Variants in ARHGAP44 observed in about 807,000 individuals in gnomAD.
ARHGAP44 encodes the protein Rho GTPase activating protein 44.
A neutral mutation model predicts 106.8 loss-of-function variants in ARHGAP44; 43 were observed. The observed-to-expected ratio is 0.40, with a 90% CI of 0.32 to 0.52. The LOEUF is 0.52. Among genes scored for constraint, ARHGAP44 ranks in the 20% least tolerant of loss-of-function variants. The pLI, the probability that ARHGAP44 is intolerant of heterozygous loss-of-function variation, is 0.48. For synonymous variants in ARHGAP44, 439 were observed against 410.3 expected, an observed-to-expected ratio of 1.07 and a Z score of -0.85; for missense variants, 866 against 1,050.5, an observed-to-expected ratio of 0.82 and a Z score of 2.43.
At chr17:12,918,368 AT>A in intron 5 of ARHGAP44, among the ~76,000 whole-genome samples, 1 of 152,164 alleles carries the variant, frequency 6.6e-6, no homozygotes, top group East Asian at 1.9e-4. Flanking sequence ...TTTTTTCCTT[AT>A]ATAAAAACCG....
At chr17:12,806,149 T>A (rs1223877263) in intron 1 of ARHGAP44, among the ~76,000 whole-genome samples, 1 of 152,296 alleles carries the variant, frequency 6.6e-6, no homozygotes, top group East Asian at 1.9e-4. Context: ...AGAAAGCAAT[T>A]ATATACGCCT....
chr17:12,857,478 G>A (rs1176434221), intron 1 of ARHGAP44, among the ~76,000 whole-genome samples: 1 of 152,080 alleles, frequency 6.6e-6, no homozygotes, highest in East Asian at 1.9e-4. Context: ...ATCTTATAAA[G>A]CCACCAGTCC....
intron 10 of ARHGAP44, among the ~76,000 whole-genome samples, chr17:12,944,724 T>C (rs2038805366): frequency 6.6e-6 from 1 of 151,480 alleles, no homozygotes; most frequent in African/African-American, 2.4e-5. Flanking sequence ...CCCTTGACCT[T>C]GTGATCCACC....
chr17:12,943,028 C>T (rs1354725282), intron 8 of ARHGAP44, among the ~76,000 whole-genome samples: 3 of 152,114 alleles, frequency 2.0e-5, no homozygotes, highest in South Asian at 2.1e-4. Context: ...ACATTTAAGT[C>T]GTACATATCT....
At chr17:12,906,798 G>A (rs1364532871) in intron 3 of ARHGAP44, among the ~76,000 whole-genome samples, 1 of 152,090 alleles carries the variant, frequency 6.6e-6, no homozygotes, top group Admixed American at 6.6e-5. Flanking sequence ...AAATTAGCCA[G>A]GCATGGGGGT....
intron 1 of ARHGAP44, among the ~76,000 whole-genome samples, chr17:12,826,805 A>G (rs887962942): frequency 6.6e-6 from 1 of 152,088 alleles, no homozygotes; most frequent in Non-Finnish European, 1.5e-5. Context: ...TTCTTACAAC[A>G]AGCCTTTATG....
intron 20 of ARHGAP44, chr17:12,986,253 A>G (rs897415127): frequency 6.6e-6 from 1 of 152,130 alleles, no homozygotes; most frequent in Admixed American, 6.6e-5. Context: ...CACCACGCCC[A>G]TCTTGGTGGG....
At chr17:12,983,662 G>A (rs62058144) in intron 19 of ARHGAP44, among the ~76,000 whole-genome samples, 84,130 of 151,028 alleles carry the variant, frequency 0.56, 23,441 homozygotes, top group East Asian at 0.73. Context: ...AAATTAGCCA[G>A]GCGTGGTGGT....
intron 1 of ARHGAP44, among the ~76,000 whole-genome samples, chr17:12,810,353 G>C (rs1193971094): frequency 6.6e-6 from 1 of 152,206 alleles, no homozygotes; most frequent in Non-Finnish European, 1.5e-5. Context: ...GCTGGTTTAG[G>C]ATAAGGAATA....
At chr17:12,853,735 C>T (rs1008344950) in intron 1 of ARHGAP44, among the ~76,000 whole-genome samples, 2 of 152,200 alleles carry the variant, frequency 1.3e-5, no homozygotes, top group Non-Finnish European at 2.9e-5. Flanking sequence ...GTTATCAGGG[C>T]GGCTTTTGTT....
chr17:12,837,726 G>A (rs1245534800), intron 1 of ARHGAP44, among the ~76,000 whole-genome samples: 1 of 152,088 alleles, frequency 6.6e-6, no homozygotes, highest in East Asian at 1.9e-4. Context: ...GAGAAGTGTG[G>A]GAGGTATCAT....
At chr17:12,891,817 G>T (rs2037055071) in intron 1 of ARHGAP44, among the ~76,000 whole-genome samples, 1 of 136,768 alleles carries the variant, frequency 7.3e-6, no homozygotes. Context: ...TTTTTTAGAT[G>T]GAGTCTCACT....
intron 6 of ARHGAP44, among the ~76,000 whole-genome samples, chr17:12,923,396 A>G (rs2038141455): frequency 6.6e-6 from 1 of 152,116 alleles, no homozygotes; most frequent in South Asian, 2.1e-4. Context: ...TAGTAATTTT[A>G]GTAGAGACGG....
At chr17:12,831,706 G>A (rs1247230241) in intron 1 of ARHGAP44, among the ~76,000 whole-genome samples, 1 of 152,092 alleles carries the variant, frequency 6.6e-6, no homozygotes, top group East Asian at 1.9e-4. Context: ...CTGAATTGTA[G>A]GAGATGTATA....
At chr17:12,848,210 AACTT>A (rs1453893607) in intron 1 of ARHGAP44, among the ~76,000 whole-genome samples, 2 of 152,196 alleles carry the variant, frequency 1.3e-5, no homozygotes, top group Non-Finnish European at 2.9e-5. Flanking sequence ...ACTCGTGTTC[AACTT>A]ACTTGATGAA....
chr17:12,957,070 C>T (rs1361539137), intron 15 of ARHGAP44, among the ~76,000 whole-genome samples: 2 of 148,672 alleles, frequency 1.3e-5, no homozygotes, highest in Non-Finnish European at 2.9e-5. Flanking sequence ...CCTGCCTCAC[C>T]CCCTCTACCC....
chr17:12,809,900 C>CCTG (rs1175766241), intron 1 of ARHGAP44, among the ~76,000 whole-genome samples: 4 of 152,094 alleles, frequency 2.6e-5, no homozygotes, highest in African/African-American at 7.2e-5. Flanking sequence ...GTGCCAGTCA[C>CCTG]TGAGAAGGAG....
chr17:12,985,497 C>T (rs1333289709), intron 20 of ARHGAP44: 1 of 152,234 alleles, frequency 6.6e-6, no homozygotes, highest in Non-Finnish European at 1.5e-5. Flanking sequence ...GACAAACCCA[C>T]AACGACTTAA....
At chr17:12,961,197 T>C (rs375001016) in intron 16 of ARHGAP44, among the ~76,000 whole-genome samples, 17 of 152,290 alleles carry the variant, frequency 1.1e-4, no homozygotes, top group Non-Finnish European at 1.0e-4. Context: ...TGCAGATGCA[T>C]TGGAGTACTC....
Sources: gnomAD v4.1 joint callset for allele counts (sites outside exome capture counted in the v4.1 genomes callset) on GRCh38, gnomAD v4.1.1 for gene constraint, MANE v1.5 for transcripts, NCBI Gene and HGNC (gene_info 2026-07-23, HGNC 2026-07-21) for gene names.